The following NOX4 variants were observed in gnomAD, a reference collection of about 807,000 sequenced individuals.
NOX4 encodes the protein NADPH oxidase 4.
In NOX4, 69 loss-of-function variants were observed where a neutral mutation model predicts 87.6. The ratio of observed to expected loss-of-function variants is 0.79; its 90% confidence interval spans 0.65 to 0.96. NOX4 has a LOEUF of 0.96. NOX4 is among the 40% of genes least tolerant of loss of function. NOX4 has a pLI of 0.00. For missense variants in NOX4, 680 were observed against 681.5 expected (o/e 1.00, Z 0.02); for synonymous variants, 275 against 238.2 (o/e 1.15, Z -1.42).
intron 6 of NOX4, among the ~76,000 whole-genome samples, chr11:89,433,916 A>G (rs906269921): frequency 1.3e-5 from 2 of 152,118 alleles, no homozygotes; most frequent in African/African-American, 4.8e-5. Context: ...CTCCTTTAGT[A>G]TTGTATTATT....
At chr11:89,439,370 G>A (rs1398267100) in intron 6 of NOX4, among the ~76,000 whole-genome samples, 2 of 151,952 alleles carry the variant, frequency 1.3e-5, no homozygotes, top group Non-Finnish European at 2.9e-5. Flanking sequence ...AAACTAAATT[G>A]TGTTCCTAAA....
the NOX4 span, among the ~76,000 whole-genome samples, chr11:89,508,575 C>T: frequency 6.6e-6 from 1 of 151,990 alleles, no homozygotes; most frequent in East Asian, 1.9e-4. Flanking sequence ...CATAACTTTT[C>T]ATATTTTTTG....
At chr11:89,478,484 C>T (rs943691894) in intron 2 of NOX4, among the ~76,000 whole-genome samples, 8 of 152,082 alleles carry the variant, frequency 5.3e-5, no homozygotes, top group African/African-American at 1.7e-4. Context: ...CTGATATTGT[C>T]GACTTTTCAC....
At chr11:89,456,635 G>A (rs1423575531) in intron 2 of NOX4, among the ~76,000 whole-genome samples, 1 of 152,194 alleles carries the variant, frequency 6.6e-6, no homozygotes, top group African/African-American at 2.4e-5. Context: ...TGCGGAATGA[G>A]CTAAACAGGT....
At chr11:89,519,522 A>G in the NOX4 span, among the ~76,000 whole-genome samples, 1 of 152,110 alleles carries the variant, frequency 6.6e-6, no homozygotes, top group Non-Finnish European at 1.5e-5. Context: ...AATTTTTATC[A>G]TCTTAAAAGA....
chr11:89,569,726 G>A, the NOX4 span, among the ~76,000 whole-genome samples: 21 of 152,116 alleles, frequency 1.4e-4, no homozygotes, highest in Non-Finnish European at 2.1e-4. Context: ...TGTTCTGGCC[G>A]GGTGCAGTGG....
rs569232959 is a variant in NOX4 at position 89,432,190 on chromosome 11, G to A, written c.548+594C>T. Among the ~76,000 whole-genome samples, 20 of 151,994 alleles carry A rather than the reference G, an allele frequency of 1.3e-4. No individual in the cohort carries two copies. The East Asian group carries it at 2.9e-3, about 22-fold the overall frequency. ...CACAGGAAGGGGAACATCACACACCGGGGCCTGTTGTGGGGTTGGGAGAGG... is the reference window on the plus strand; with the variant it reads ...CACAGGAAGGGGAACATCACACACCAGGGCCTGTTGTGGGGTTGGGAGAGG... On this transcript the variant is annotated intron_variant, in intron 7 of 17. Coordinates refer to ENST00000263317, the MANE Select transcript of NOX4 (RefSeq NM_016931.5).
intron 8 of NOX4, among the ~76,000 whole-genome samples, chr11:89,415,440 T>C (rs1591168314): frequency 1.3e-5 from 2 of 152,254 alleles, no homozygotes; most frequent in South Asian, 2.1e-4. Flanking sequence ...AATGTGATAT[T>C]AGATATTACA....
chr11:89,511,836 A>G, the NOX4 span, among the ~76,000 whole-genome samples: 1 of 152,076 alleles, frequency 6.6e-6, no homozygotes, highest in Non-Finnish European at 1.5e-5. Context: ...CTTGGAGTCC[A>G]CACATACCTC....
the NOX4 span, among the ~76,000 whole-genome samples, chr11:89,544,455 G>A: frequency 6.6e-6 from 1 of 152,110 alleles, no homozygotes; most frequent in African/African-American, 2.4e-5. Flanking sequence ...ACACTGGCGA[G>A]TGACTCAGAG....
At chr11:89,406,039 C>CCAAA (rs1051620122) in intron 8 of NOX4, among the ~76,000 whole-genome samples, 3 of 151,984 alleles carry the variant, frequency 2.0e-5, no homozygotes, top group African/African-American at 7.2e-5. Flanking sequence ...TTTTATCAAA[C>CCAAA]CAATACTTTT....
At chr11:89,338,159 A>G (rs145568036) in intron 15 of NOX4, among the ~76,000 whole-genome samples, 4,457 of 152,210 alleles carry the variant, frequency 0.029, 218 homozygotes, top group African/African-American at 0.1. Context: ...AAATATTTTT[A>G]GCAAGGATGC....
the NOX4 span, among the ~76,000 whole-genome samples, chr11:89,527,368 T>C: frequency 4.5e-4 from 69 of 152,222 alleles, no homozygotes; most frequent in African/African-American, 1.6e-3. Flanking sequence ...TGAGGAGAAA[T>C]TCAAGCCTGC....
chr11:89,435,236 T>C (rs1944019674), intron 6 of NOX4, among the ~76,000 whole-genome samples: 1 of 152,052 alleles, frequency 6.6e-6, no homozygotes. Context: ...AATGATAGAA[T>C]CCCAGATGGC....
At chr11:89,564,328 G>A in the NOX4 span, among the ~76,000 whole-genome samples, 1 of 152,098 alleles carries the variant, frequency 6.6e-6, no homozygotes, top group Non-Finnish European at 1.5e-5. Context: ...AGTGAAAGCA[G>A]GCATGTCTTA....
rs566646700 is a variant in NOX4 at position 89,430,437 on chromosome 11, T to C, written c.548+2347A>G. The stretch of plus-strand genomic sequence containing the variant: ...TCGTCCCTGTTTGCAGATGAAAGGA[T>C]TGTACATTTAGAAAACCCTATCATC... On this transcript the variant is annotated intron_variant, in intron 7 of 17. Transcript: ENST00000263317. Among the ~76,000 whole-genome samples, 5 of 152,274 alleles carry C rather than the reference T, an allele frequency of 3.3e-5. No individual in the cohort carries two copies. In the East Asian group the frequency reaches 9.7e-4, roughly 29 times the overall value.
chr11:89,429,657 C>A (rs1943663923), intron 7 of NOX4, among the ~76,000 whole-genome samples: 1 of 152,016 alleles, frequency 6.6e-6, no homozygotes, highest in Non-Finnish European at 1.5e-5. Flanking sequence ...AAGACTAAAC[C>A]AGGAAGAAGA....
chr11:89,544,544 T>C, the NOX4 span, among the ~76,000 whole-genome samples: 3 of 152,004 alleles, frequency 2.0e-5, no homozygotes, highest in Non-Finnish European at 4.4e-5. Context: ...CAGCATTGTA[T>C]CTTAACATAC....
chr11:89,428,938 T>C (rs1191911518), intron 7 of NOX4, among the ~76,000 whole-genome samples: 1 of 152,182 alleles, frequency 6.6e-6, no homozygotes, highest in Non-Finnish European at 1.5e-5. Flanking sequence ...ATCGCACTTA[T>C]TCCAAAATTG....
Sources: gnomAD v4.1 joint callset for allele counts (sites outside exome capture counted in the v4.1 genomes callset) on GRCh38, gnomAD v4.1.1 for gene constraint, MANE v1.5 for transcripts, NCBI Gene and HGNC (gene_info 2026-07-23, HGNC 2026-07-21) for gene names.